The following SGK3 variants were observed in gnomAD, a reference collection of about 807,000 sequenced individuals.
SGK3 encodes serum/glucocorticoid regulated kinase family member 3, also known as serine/threonine-protein kinase Sgk3.
In SGK3, 47 loss-of-function variants were observed where a neutral mutation model predicts 68.5. The ratio of observed to expected loss-of-function variants is 0.69; its 90% CI spans 0.54 to 0.87. The LOEUF is 0.87. SGK3 is among the 40% of genes least tolerant of loss of function. The pLI is 0.00. For missense variants in SGK3, 479 were observed against 575.5 expected (o/e 0.83, Z 1.72); for synonymous variants, 181 against 189.1 (o/e 0.96, Z 0.35).
intron 6 of SGK3, among the ~76,000 whole-genome samples, chr8:66,824,298 C>T (rs1808966370): frequency 6.6e-6 from 1 of 151,934 alleles, no homozygotes; most frequent in Non-Finnish European, 1.5e-5. Flanking sequence ...GTGAAAAGCC[C>T]ATACAAATGG....
chr8:66,797,714 G>GT (rs1807756064), intron 2 of SGK3, among the ~76,000 whole-genome samples: 1 of 152,110 alleles, frequency 6.6e-6, no homozygotes, highest in Non-Finnish European at 1.5e-5. Context: ...ACAATTGAAG[G>GT]TTTTTTATGT....
At chr8:66,752,477 G>C (rs1346501470) in intron 1 of SGK3, among the ~76,000 whole-genome samples, 1 of 152,112 alleles carries the variant, frequency 6.6e-6, no homozygotes, top group African/African-American at 2.4e-5. Context: ...ATTAAATTTA[G>C]GGGGCTATGG....
intron 5 of SGK3, among the ~76,000 whole-genome samples, chr8:66,821,422 C>T (rs1296642209): frequency 1.3e-5 from 2 of 152,070 alleles, no homozygotes; most frequent in African/African-American, 4.8e-5. Flanking sequence ...ACTCATTTCC[C>T]TGGTGGTAAA....
intron 1 of SGK3, among the ~76,000 whole-genome samples, chr8:66,777,168 T>C (rs917991736): frequency 6.6e-6 from 1 of 152,234 alleles, no homozygotes; most frequent in Non-Finnish European, 1.5e-5. Flanking sequence ...TCCCCAACTT[T>C]TTGTATAGCT....
intron 1 of SGK3, among the ~76,000 whole-genome samples, chr8:66,762,348 A>G (rs904416470): frequency 2.6e-5 from 4 of 152,180 alleles, no homozygotes; most frequent in Non-Finnish European, 4.4e-5. Flanking sequence ...GTGAAATCCC[A>G]TCTCTACTAA....
chr8:66,841,800 CA>C, intron 13 of SGK3, among the ~76,000 whole-genome samples: 1 of 152,028 alleles, frequency 6.6e-6, no homozygotes, highest in Admixed American at 6.6e-5. Flanking sequence ...TGTTAGCTAG[CA>C]AAAAAAGTAT....
chr8:66,751,247 G>C (rs549775556), intron 1 of SGK3, among the ~76,000 whole-genome samples: 280 of 152,184 alleles, frequency 1.8e-3, no homozygotes, highest in African/African-American at 6.4e-3. Flanking sequence ...AGGAGTTGTG[G>C]GAAAGCGTCT....
chr8:66,760,621 A>C (rs1806137747), intron 1 of SGK3, among the ~76,000 whole-genome samples: 1 of 151,972 alleles, frequency 6.6e-6, no homozygotes, highest in South Asian at 2.1e-4. Context: ...GGCGTGAGTC[A>C]CTGTGCCCGG....
chr8:66,765,773 TA>T (rs1459787289), intron 1 of SGK3, among the ~76,000 whole-genome samples: 5 of 152,054 alleles, frequency 3.3e-5, no homozygotes. Context: ...CCTGTAATCC[TA>T]GCACTTTGGG....
At chr8:66,737,851 G>T (rs1805369794) in intron 1 of SGK3, among the ~76,000 whole-genome samples, 1 of 151,708 alleles carries the variant, frequency 6.6e-6, no homozygotes, top group Admixed American at 6.6e-5. Context: ...CCTGACCTCT[G>T]GCCATCCGCC....
intron 4 of SGK3, among the ~76,000 whole-genome samples, chr8:66,813,340 T>C (rs1585754376): frequency 6.6e-6 from 1 of 152,206 alleles, no homozygotes; most frequent in African/African-American, 2.4e-5. Context: ...TAAGGTTTTT[T>C]GTTTGTTTGT....
intron 1 of SGK3, among the ~76,000 whole-genome samples, chr8:66,731,250 TCTG>T (rs1805142893): frequency 6.6e-6 from 1 of 152,218 alleles, no homozygotes; most frequent in African/African-American, 2.4e-5. Flanking sequence ...GAATATGTAT[TCTG>T]CTGCTTTAGG....
chr8:66,850,138 T>C (rs1290836255), intron 15 of SGK3, among the ~76,000 whole-genome samples: 1 of 152,158 alleles, frequency 6.6e-6, no homozygotes. Context: ...ACTAACCTCT[T>C]TGCCACCTCA....
intron 1 of SGK3, among the ~76,000 whole-genome samples, chr8:66,787,650 C>T (rs183286209): frequency 2.6e-4 from 40 of 152,230 alleles, no homozygotes; most frequent in Admixed American, 2.2e-3. Context: ...AGCAATGGGA[C>T]GATTGGGAAA....
intron 13 of SGK3, 103 bp downstream of exon 13, chr8:66,841,213 A>C: frequency 9.3e-6 from 9 of 970,102 alleles, no homozygotes; most frequent in Non-Finnish European, 1.3e-5. Context: ...TAGAATAAAA[A>C]CTGTCATTTC....
chr8:66,744,481 GTGTA>G (rs1165185404), intron 1 of SGK3, among the ~76,000 whole-genome samples: 15 of 73,550 alleles, frequency 2.0e-4, no homozygotes, highest in African/African-American at 9.8e-4. Flanking sequence ...ATGTGTGTGT[GTGTA>G]TATATATATA....
intron 1 of SGK3, among the ~76,000 whole-genome samples, chr8:66,766,506 G>A (rs1012107974): frequency 6.6e-6 from 1 of 152,142 alleles, no homozygotes; most frequent in Non-Finnish European, 1.5e-5. Flanking sequence ...CTGGGCGACA[G>A]AGCAAGACTG....
chr8:66,751,130 T>C (rs1805804473), intron 1 of SGK3, among the ~76,000 whole-genome samples: 1 of 151,858 alleles, frequency 6.6e-6, no homozygotes, highest in African/African-American at 2.4e-5. Context: ...TGAAACCCTG[T>C]CTCTACTAAA....
At chr8:66,832,486 C>T (rs1043147494) in intron 8 of SGK3, among the ~76,000 whole-genome samples, 2 of 152,154 alleles carry the variant, frequency 1.3e-5, no homozygotes, top group Non-Finnish European at 1.5e-5. Flanking sequence ...ATATTATCCA[C>T]CTGCTACATG....
Sources: allele counts gnomAD v4.1 joint callset (sites outside exome capture counted in the v4.1 genomes callset), GRCh38; gene constraint gnomAD v4.1.1; transcripts MANE v1.5; gene names NCBI Gene and HGNC (gene_info 2026-07-23, HGNC 2026-07-21).